The following FOXP2 variants were observed in gnomAD, a reference collection of about 807,000 sequenced individuals.
FOXP2 encodes the protein forkhead box protein P2.
FOXP2 carries 12 observed loss-of-function variants against 115.8 expected under a neutral mutation model. That is an observed-to-expected ratio of 0.10 (90% CI 0.07 to 0.17). FOXP2 has a LOEUF of 0.17. Among genes scored for constraint, FOXP2 ranks in the 10% least tolerant of loss-of-function variants. The pLI, the probability that FOXP2 is intolerant of heterozygous loss-of-function variation, is 1.00. For synonymous variants in FOXP2, 328 were observed against 297.7 expected (o/e 1.10, Z -1.05); for missense variants, 629 against 843.5 (o/e 0.75, Z 3.15).
intron 1 of FOXP2, among the ~76,000 whole-genome samples, chr7:114,264,326 G>A (rs1314183331): frequency 6.6e-6 from 1 of 151,968 alleles, no homozygotes; most frequent in Non-Finnish European, 1.5e-5. Context: ...TTTCATGGGG[G>A]GCAGGATTCT....
chr7:114,443,539 G>A (rs1794700095), intron 2 of FOXP2, among the ~76,000 whole-genome samples: 1 of 152,064 alleles, frequency 6.6e-6, no homozygotes, highest in South Asian at 2.1e-4. Context: ...AATAAGCATA[G>A]TACCCTATAG....
chr7:114,491,444 C>G (rs1797048259), intron 2 of FOXP2, among the ~76,000 whole-genome samples: 1 of 151,852 alleles, frequency 6.6e-6, no homozygotes, highest in Non-Finnish European at 1.5e-5. Flanking sequence ...AATTTTCTCC[C>G]ATTCTGTAGG....
chr7:114,087,285 T>G (rs1201098094), upstream of FOXP2, among the ~76,000 whole-genome samples: 5 of 152,212 alleles, frequency 3.3e-5, no homozygotes, highest in Non-Finnish European at 7.3e-5. Flanking sequence ...TGGGCCCTAC[T>G]GACGCTTCGG....
At chr7:114,644,856 T>C (rs1238206994) in intron 8 of FOXP2, 67 bp downstream of exon 8, 2 of 1,194,266 alleles carry the variant, frequency 1.7e-6, no homozygotes, top group South Asian at 2.5e-5. Flanking sequence ...AGGCACATTG[T>C]AAATAAACAA....
chr7:114,457,697 G>T (rs757858257), intron 2 of FOXP2, among the ~76,000 whole-genome samples: 1 of 152,098 alleles, frequency 6.6e-6, no homozygotes, highest in Non-Finnish European at 1.5e-5. Context: ...AGGAGATCGA[G>T]ACCATCCTGC....
At chr7:114,335,145 T>C (rs972544024) in intron 2 of FOXP2, among the ~76,000 whole-genome samples, 1 of 151,260 alleles carries the variant, frequency 6.6e-6, no homozygotes, top group Non-Finnish European at 1.5e-5. Flanking sequence ...ACGTTGAAAA[T>C]ATAAGAAGTG....
intron 1 of FOXP2, among the ~76,000 whole-genome samples, chr7:114,235,886 A>C (rs890296606): frequency 2.0e-5 from 3 of 152,200 alleles, no homozygotes; most frequent in African/African-American, 7.2e-5. Flanking sequence ...TATACAACTC[A>C]TTCTCTCTGT....
intron 3 of FOXP2, among the ~76,000 whole-genome samples, chr7:114,625,399 C>T (rs529099323): frequency 2.6e-5 from 4 of 151,522 alleles, no homozygotes; most frequent in Non-Finnish European, 5.9e-5. Flanking sequence ...ACATATCTAG[C>T]GAAAAATAGT....
intron 1 of FOXP2, among the ~76,000 whole-genome samples, chr7:114,421,150 A>G (rs572873170): frequency 6.6e-6 from 1 of 151,758 alleles, no homozygotes; most frequent in African/African-American, 2.4e-5. Context: ...CAAATTCTTC[A>G]TTGCACTTTA....
chr7:114,404,693 A>C (rs961657507), intron 2 of FOXP2, among the ~76,000 whole-genome samples: 1 of 151,978 alleles, frequency 6.6e-6, no homozygotes, highest in African/African-American at 2.4e-5. Context: ...ATCTGCTTTG[A>C]TTTTTGTCAG....
At chr7:114,570,778 C>G (rs1176654782) in intron 3 of FOXP2, 1 of 1,578,460 alleles carries the variant, frequency 6.3e-7, no homozygotes, top group East Asian at 2.2e-5. Context: ...AAAAAAAAGC[C>G]AACTCCTGAT....
intron 1 of FOXP2, among the ~76,000 whole-genome samples, chr7:114,250,234 T>G (rs778114187): frequency 6.6e-6 from 1 of 152,134 alleles, no homozygotes; most frequent in Non-Finnish European, 1.5e-5. Context: ...TTTGCTATTG[T>G]GAATAGTGCC....
At chr7:114,411,730 G>C (rs1793167577), upstream of FOXP2, among the ~76,000 whole-genome samples, 1 of 152,056 alleles carries the variant, frequency 6.6e-6, no homozygotes, top group Non-Finnish European at 1.5e-5. Flanking sequence ...TAGCTCATTC[G>C]ATGTGTCTTG....
chr7:114,129,260 A>G (rs1450834), intron 1 of FOXP2, among the ~76,000 whole-genome samples: 148,306 of 152,280 alleles, frequency 0.97, 72,349 homozygotes, highest in East Asian at 1. Flanking sequence ...AAATTCAAGG[A>G]TTTTAACTGC....
At chr7:114,322,408 T>C (rs1037014411) in intron 2 of FOXP2, among the ~76,000 whole-genome samples, 10 of 150,582 alleles carry the variant, frequency 6.6e-5, no homozygotes, top group African/African-American at 2.2e-4. Context: ...CCCTGCACTT[T>C]GGGAGGCCAA....
chr7:114,296,729 G>C (rs952324271), intron 2 of FOXP2, among the ~76,000 whole-genome samples: 2 of 152,088 alleles, frequency 1.3e-5, no homozygotes, highest in Admixed American at 1.3e-4. Flanking sequence ...TTGAACATCT[G>C]ATGCAGAGAA....
chr7:114,241,490 T>G (rs923778575), intron 1 of FOXP2, among the ~76,000 whole-genome samples: 2 of 152,080 alleles, frequency 1.3e-5, no homozygotes, highest in African/African-American at 4.8e-5. Context: ...AGGAATTAAT[T>G]CTATTGGACA....
At chr7:114,421,457 C>T (rs1793614979) in intron 1 of FOXP2, among the ~76,000 whole-genome samples, 1 of 151,340 alleles carries the variant, frequency 6.6e-6, no homozygotes, top group African/African-American at 2.4e-5. Context: ...TTCTACTTTG[C>T]ATGTTTGAAA....
At chr7:114,511,079 A>G (rs1394421543) in intron 2 of FOXP2, among the ~76,000 whole-genome samples, 1 of 152,168 alleles carries the variant, frequency 6.6e-6, no homozygotes, top group Non-Finnish European at 1.5e-5. Context: ...GCTGGAAACC[A>G]TCATTCTCAG....
Sources: allele counts gnomAD v4.1 joint callset (sites outside exome capture counted in the v4.1 genomes callset), GRCh38; gene constraint gnomAD v4.1.1; transcripts MANE v1.5; gene names NCBI Gene and HGNC (gene_info 2026-07-23, HGNC 2026-07-21).